ATP13A2: variants seen among roughly 807,000 people sequenced by gnomAD.
ATP13A2 encodes the protein ATPase cation transporting 13A2, also known as polyamine-transporting ATPase 13A2.
In ATP13A2, 83 loss-of-function variants were observed where a neutral mutation model predicts 138.3. The observed-to-expected ratio is 0.60, with a 90% confidence interval of 0.50 to 0.72. The LOEUF is 0.72. ATP13A2 is among the 30% of genes least tolerant of loss of function. ATP13A2 has a pLI of 0.00. For synonymous variants in ATP13A2, 663 were observed against 699.0 expected (o/e 0.95, Z 0.81); for missense variants, 1,402 against 1,606.4 (o/e 0.87, Z 2.17).
Position 16,995,921 on chromosome 1 carries a change from C to T in ATP13A2, c.1542+55G>A, listed in dbSNP as rs2077102556. The T allele has an allele frequency of 6.2e-7, 1 of 1,608,364 alleles. No individual in the cohort carries two copies. The highest frequency in any genetic ancestry group is 8.5e-7 in the Non-Finnish European group (1 of 1,177,030). The stretch of plus-strand genomic sequence containing the variant: ...GAATAACGCGGGTGTGGAGGCCTCA[C>T]TGGGGCGCCTGTGGCTGTCCCGCTC... On this transcript the variant is annotated intron_variant, in intron 15 of 28. Coordinates refer to ENST00000326735, the MANE Select transcript of ATP13A2 (RefSeq NM_022089.4). This position sits in a 1 kb window ranked among gnomAD's most constrained non-coding sequence, Gnocchi z 4.1.
intron 23 of ATP13A2, 87 bp from the exon 24 acceptor site, chr1:16,988,561 C>A: frequency 1.3e-6 from 2 of 1,558,588 alleles, no homozygotes; most frequent in Non-Finnish European, 1.8e-6. Flanking sequence ...CAGCTGGGCC[C>A]CTAATGCCAC....
chr1:16,986,274 G>A lies in ATP13A2; in HGVS notation c.3490C>T (p.Arg1164Ter), dbSNP rs373003359. 1.5e-5 allele frequency: 24 copies of A among 1,605,910 alleles called. No individual in the cohort carries two copies. Among genetic ancestry groups the A allele is most frequent in the Non-Finnish European group, 1.9e-5 (22 of 1,177,128 alleles). Reference protein sequence around the residue: ...ASKKRFKQLERELAEQPWPPL... With the variant: ...ASKKRFKQLE ...GGCCAGGGCTGCTCGGCCAGCTCTCGTTCCAGCTGCTTGAAGCGCTTCTTG... is the reference window on the plus strand; with the variant it reads ...GGCCAGGGCTGCTCGGCCAGCTCTCATTCCAGCTGCTTGAAGCGCTTCTTG... Residue 1164 changes from arginine (R) to a stop codon, truncating the protein, a stop_gained, in exon 29 of 29, where the codon CGA becomes TGA. Coordinates refer to ENST00000326735, the MANE Select transcript of ATP13A2 (RefSeq NM_022089.4). LOFTEE classifies it high-confidence loss of function. The surrounding 1 kb of genome is among the most constrained non-coding windows in gnomAD (Gnocchi z 6.9).
At position 16,987,034 on chromosome 1, in the gene ATP13A2, C is replaced by G. The variant is rs1162065747; in HGVS notation, c.3083+12G>C. 3 of 1,613,224 alleles carry G rather than the reference C, an allele frequency of 1.9e-6. No individual in the cohort carries two copies. The highest frequency in any genetic ancestry group is 1.1e-5 in the South Asian group (1 of 91,078). ...GGGCGGGATGGGGGTGGTCAGTCAGCTCCCTACTCACCATGGCTGGGCCAG... is the reference window on the plus strand; with the variant it reads ...GGGCGGGATGGGGGTGGTCAGTCAGGTCCCTACTCACCATGGCTGGGCCAG... On this transcript the variant is annotated intron_variant, in intron 26 of 28. Transcript: ENST00000326735.
intron 1 of ATP13A2, among the ~76,000 whole-genome samples, chr1:17,007,647 G>C (rs963577854): frequency 1.4e-4 from 21 of 150,086 alleles, no homozygotes; most frequent in African/African-American, 4.9e-4. Flanking sequence ...TGCCTTCCGG[G>C]TTCACACCAT....
Position 17,004,513 on chromosome 1 carries a change from GGT to G in ATP13A2, c.478-104_478-103del. ...GGGATGGGGGTAGGGGGCAGGGACT[GGT>G]GTCACCAGACAGAGAGGTGGGGAGA... On this transcript the variant is annotated intron_variant, in intron 5 of 28. Coordinates refer to ENST00000326735, the MANE Select transcript of ATP13A2 (RefSeq NM_022089.4). This position sits in a 1 kb window ranked among gnomAD's most constrained non-coding sequence, Gnocchi z 4.1. 1 of 1,532,602 alleles carries G rather than the reference GGT, an allele frequency of 6.5e-7. No homozygotes were observed. The highest frequency in any genetic ancestry group is 8.9e-7 in the Non-Finnish European group (1 of 1,117,818). The allele number at this position is 1,532,602 out of a possible 1,614,324, so 94.9% of individuals were successfully genotyped here. A position where few individuals can be genotyped will look rare whatever the true frequency, so the allele number is the denominator to read the frequency against.
Position 17,011,697 on chromosome 1 carries a change from G to C in ATP13A2, c.10+32C>G. 1 of 1,483,648 alleles carries C rather than the reference G, an allele frequency of 6.7e-7. No individual in the cohort carries two copies. The highest frequency in any genetic ancestry group is 1.3e-5 in the South Asian group (1 of 78,828). The allele number at this position is 1,483,648 out of a possible 1,614,324, so 91.9% of individuals were successfully genotyped here. Reference sequence around the variant, plus strand: ...CAACTGGCGGGCCGGGGACCGCGCCGGGCTCGGGGCCGACCCGGACTCCGC... The same window carrying C: ...CAACTGGCGGGCCGGGGACCGCGCCCGGCTCGGGGCCGACCCGGACTCCGC... On this transcript the variant is annotated intron_variant, in intron 1 of 28. Coordinates refer to ENST00000326735, the MANE Select transcript of ATP13A2 (RefSeq NM_022089.4). This position sits in a 1 kb window ranked among gnomAD's most constrained non-coding sequence, Gnocchi z 7.3.
At chr1:16,994,298 T>C (rs915348036) in intron 15 of ATP13A2, among the ~76,000 whole-genome samples, 3 of 152,212 alleles carry the variant, frequency 2.0e-5, no homozygotes, top group Middle Eastern at 6.8e-3. Flanking sequence ...AGTGGCGCAA[T>C]CTCAGTTCAC....
In ATP13A2 at chr1:16,990,115, G is replaced by A. The variant is rs746438512; in HGVS notation, c.2412+12C>T. On this transcript the variant is annotated intron_variant, in intron 21 of 28. Transcript: ENST00000326735. ...TGGGTGAGGTACAGCTGGAACTCTG[G>A]GTTAGCCTCACCTTAACGCCATTCA... 6.2e-7 allele frequency: 1 copy of A among 1,614,062 alleles called. No homozygotes were observed. The highest frequency in any genetic ancestry group is 8.5e-7 in the Non-Finnish European group (1 of 1,180,038).
At chr1:16,987,347 C>T (rs1557669012) in intron 25 of ATP13A2, 78 bp from the exon 26 acceptor site, 1 of 1,370,458 alleles carries the variant, frequency 7.3e-7, no homozygotes, top group Non-Finnish European at 1.0e-6. Context: ...AGAGGCCCCA[C>T]CCCTGCCCCG....
At chr1:17,009,515 T>C (rs2077701002) in intron 1 of ATP13A2, among the ~76,000 whole-genome samples, 1 of 151,572 alleles carries the variant, frequency 6.6e-6, no homozygotes, top group African/African-American at 2.4e-5. Flanking sequence ...CTCTTGCCTC[T>C]GCCTCCCAAG....
chr1:16,989,809 A>C, intron 22 of ATP13A2, 39 bp from the exon 23 acceptor site: 2 of 1,611,972 alleles, frequency 1.2e-6, no homozygotes, highest in Non-Finnish European at 1.7e-6. Flanking sequence ...TGAGGCACCC[A>C]CCAGGGAGAG....
chr1:16,990,301 G>C lies in ATP13A2; in HGVS notation c.2252-14C>G. The C allele has an allele frequency of 6.2e-7, 1 of 1,613,834 alleles. No homozygotes were observed. The highest frequency in any genetic ancestry group is 8.5e-7 in the Non-Finnish European group (1 of 1,180,012). On this transcript the variant is annotated splice_polypyrimidine_tract_variant and intron_variant, in intron 20 of 28. Coordinates refer to ENST00000326735, the MANE Select transcript of ATP13A2 (RefSeq NM_022089.4). Reference sequence around the variant, plus strand: ...GCAGGTTGTCCCCTGGGGGTTATGGGGCAAGGTGAGGGTCTGAGGCTATCC... The same window carrying C: ...GCAGGTTGTCCCCTGGGGGTTATGGCGCAAGGTGAGGGTCTGAGGCTATCC...
intron 6 of ATP13A2, among the ~76,000 whole-genome samples, chr1:17,003,851 A>G (rs1028968924): frequency 1.3e-5 from 2 of 151,966 alleles, no homozygotes; most frequent in African/African-American, 4.8e-5. Context: ...TTTAGTAGAG[A>G]TGGGGTTTCA....
chr1:16,986,954 A>C lies in ATP13A2; in HGVS notation c.3086T>G (p.Phe1029Cys). The C allele has an allele frequency of 6.2e-7, 1 of 1,613,930 alleles. No homozygotes were observed. ...GGCCACTGTCCTGTTCAGAGGCACG[A>C]ACCTGGGGGTACAGGGATGGGGGTC... ...GYFLTLAQPWFVPLNRTVAAP... is the reference protein window; with the variant it reads ...GYFLTLAQPWCVPLNRTVAAP... Residue 1029 changes from phenylalanine (F) to cysteine (C), a missense_variant and splice_region_variant, in exon 27 of 29, where the codon TTC becomes TGC. Phe to Cys is a radical substitution (Grantham distance 205). Transcript: ENST00000326735. This position sits in a 1 kb window ranked among gnomAD's most constrained non-coding sequence, Gnocchi z 6.9.
At position 17,011,705 on chromosome 1, in the gene ATP13A2, G is replaced by T; in HGVS notation, c.10+24C>A. The T allele has an allele frequency of 6.7e-7, 1 of 1,486,916 alleles. No homozygotes were observed. The highest frequency in any genetic ancestry group is 2.9e-5 in the East Asian group (1 of 34,840). The allele number at this position is 1,486,916 out of a possible 1,614,324, so 92.1% of individuals were successfully genotyped here. A position where few individuals can be genotyped will look rare whatever the true frequency, so the allele number is the denominator to read the frequency against. ...GGGCCGGGGACCGCGCCGGGCTCGGGGCCGACCCGGACTCCGCACTCACCT... is the reference window on the plus strand; with the variant it reads ...GGGCCGGGGACCGCGCCGGGCTCGGTGCCGACCCGGACTCCGCACTCACCT... On this transcript the variant is annotated intron_variant, in intron 1 of 28. Coordinates refer to ENST00000326735, the MANE Select transcript of ATP13A2 (RefSeq NM_022089.4). The surrounding 1 kb of genome is among the most constrained non-coding windows in gnomAD (Gnocchi z 7.3).
At chr1:16,999,196 C>T (rs915923814) in intron 11 of ATP13A2, among the ~76,000 whole-genome samples, 1 of 151,814 alleles carries the variant, frequency 6.6e-6, no homozygotes, top group Non-Finnish European at 1.5e-5. Context: ...GTCTGACCAA[C>T]GTGGTGAAAC....
In ATP13A2 at chr1:16,992,252, G is replaced by T. The variant is rs1231806956; in HGVS notation, c.1996C>A (p.Pro666Thr). 1 of 1,612,626 alleles carries T rather than the reference G, an allele frequency of 6.2e-7. No homozygotes were observed. Among genetic ancestry groups the T allele is most frequent in the Non-Finnish European group, 8.5e-7 (1 of 1,179,962 alleles). The change falls in exon 18 of 29, where the codon CCC becomes ACC. Residue 666 changes from proline (P) to threonine (T), a missense_variant. Physicochemically the swap from Pro to Thr is conservative, Grantham distance 38. Coordinates refer to ENST00000326735, the MANE Select transcript of ATP13A2 (RefSeq NM_022089.4). ...GGGCTTCCCCCTGCACCTGTCTCGGGGTTGCAGAGCCCTGCCACCAGCTCC... is the reference window on the plus strand; with the variant it reads ...GGGCTTCCCCCTGCACCTGTCTCGGTGTTGCAGAGCCCTGCCACCAGCTCC... Reference protein sequence around the residue: ...SPELVAGLCNPETVPTDFAQM... With the variant: ...SPELVAGLCNTETVPTDFAQM...
At position 16,986,165 on chromosome 1, in the gene ATP13A2, C is replaced by G. The variant is rs760176443; in HGVS notation, c.*56G>C. On this transcript the variant is annotated 3_prime_UTR_variant, in exon 29 of 29. Transcript: ENST00000326735. The surrounding 1 kb of genome is among the most constrained non-coding windows in gnomAD (Gnocchi z 6.9). The stretch of plus-strand genomic sequence containing the variant: ...GCGGTGGTGTTGCTGGAGAGGGGTC[C>G]AGTTGGTGGCTCAGAGGCAGGGAGT... 1.9e-6 allele frequency: 3 copies of G among 1,610,692 alleles called. No homozygotes were observed. Among genetic ancestry groups the G allele is most frequent in the Non-Finnish European group, 2.5e-6 (3 of 1,178,968 alleles).
chr1:17,005,996 G>A (rs538731543), intron 1 of ATP13A2, among the ~76,000 whole-genome samples: 1 of 152,166 alleles, frequency 6.6e-6, no homozygotes, highest in Non-Finnish European at 1.5e-5. Context: ...TTAGCCGGGC[G>A]TGGCAGCGCG....
Sources: allele counts gnomAD v4.1 joint callset (sites outside exome capture counted in the v4.1 genomes callset), GRCh38; gene constraint gnomAD v4.1.1; non-coding constraint Gnocchi (gnomAD v3.1); transcripts MANE v1.5; gene names NCBI Gene and HGNC (gene_info 2026-07-23, HGNC 2026-07-21).